The following TMEM144 variants were observed in gnomAD, a reference collection of about 807,000 sequenced individuals.
TMEM144 encodes the protein transmembrane protein 144.
A neutral mutation model predicts 43.6 loss-of-function variants in TMEM144; 39 were observed. The ratio of observed to expected loss-of-function variants is 0.90; its 90% CI spans 0.69 to 1.17. The LOEUF is 1.17. Among genes scored for constraint, TMEM144 ranks in the 50% most tolerant of loss-of-function variants. The pLI, the probability that TMEM144 is intolerant of heterozygous loss-of-function variation, is 0.00. For synonymous variants in TMEM144, 154 were observed against 133.6 expected (o/e 1.15, Z -1.06); for missense variants, 417 against 411.9 (o/e 1.01, Z -0.11).
At chr4:158,251,584 T>C (rs1736207276) in intron 12 of TMEM144, among the ~76,000 whole-genome samples, 1 of 152,202 alleles carries the variant, frequency 6.6e-6, no homozygotes, top group Non-Finnish European at 1.5e-5. Flanking sequence ...CTAAGACCAA[T>C]TGAACCCAAC....
At chr4:158,232,204 G>C (rs1359593126) in intron 6 of TMEM144, among the ~76,000 whole-genome samples, 2 of 152,222 alleles carry the variant, frequency 1.3e-5, no homozygotes, top group Non-Finnish European at 2.9e-5. Context: ...GACATCAATA[G>C]TGTATTATGA....
At chr4:158,241,695 G>A in intron 11 of TMEM144, 89 bp downstream of exon 11, 2 of 974,842 alleles carry the variant, frequency 2.1e-6, no homozygotes, top group Non-Finnish European at 3.2e-6. Flanking sequence ...GCTAAAGACT[G>A]TCATGGAGTT....
chr4:158,225,233 C>A (rs2111116564), intron 6 of TMEM144, among the ~76,000 whole-genome samples: 1 of 152,300 alleles, frequency 6.6e-6, no homozygotes, highest in Non-Finnish European at 1.5e-5. Context: ...TAGAGATAGG[C>A]CACTGGCCCT....
chr4:158,240,628 C>T (rs193173452), intron 10 of TMEM144, among the ~76,000 whole-genome samples: 2 of 152,260 alleles, frequency 1.3e-5, no homozygotes, highest in East Asian at 3.9e-4. Flanking sequence ...ATCCTTGAAA[C>T]TGAATATGCA....
Position 158,210,601 on chromosome 4 carries a change from T to G in TMEM144, c.-183+15T>G, listed in dbSNP as rs1355797794. Reference sequence around the variant, plus strand: ...CCCGGAACGCAGTGAGTACAGCCACTCAAAGGAAAGCCAAGTCGCTTTGCA... The same window carrying G: ...CCCGGAACGCAGTGAGTACAGCCACGCAAAGGAAAGCCAAGTCGCTTTGCA... On this transcript the variant is annotated intron_variant, in intron 1 of 12. Transcript: ENST00000296529. 6.6e-6 allele frequency: 1 copy of G among 152,208 alleles called. No homozygotes were observed. The highest frequency in any genetic ancestry group is 2.4e-5 in the African/African-American group (1 of 41,450). The allele number at this position is 152,208 out of a possible 1,614,324, so 9.4% of individuals were successfully genotyped here. A position where few individuals can be genotyped will look rare whatever the true frequency, so the allele number is the denominator to read the frequency against.
chr4:158,240,542 G>T (rs918961246), intron 10 of TMEM144, 124 bp downstream of exon 10: 12 of 580,706 alleles, frequency 2.1e-5, no homozygotes, highest in Admixed American at 1.6e-4. Flanking sequence ...TGTGTGTGTT[G>T]TGTGTGTGTG....
chr4:158,213,978 GAAC>G (rs1470634936), intron 3 of TMEM144: 2 of 152,126 alleles, frequency 1.3e-5, no homozygotes, highest in Non-Finnish European at 2.9e-5. Flanking sequence ...TTTGTAAAGT[GAAC>G]AACTTATAAA....
At chr4:158,221,856 A>G (rs1046687929) in intron 6 of TMEM144, among the ~76,000 whole-genome samples, 5 of 152,164 alleles carry the variant, frequency 3.3e-5, no homozygotes, top group African/African-American at 9.7e-5. Flanking sequence ...GATAACACAC[A>G]GAAGGGAATG....
chr4:158,225,002 A>C (rs539724589), intron 6 of TMEM144, among the ~76,000 whole-genome samples: 3 of 152,338 alleles, frequency 2.0e-5, no homozygotes, highest in Admixed American at 6.5e-5. Context: ...ATGGTTATGC[A>C]GGGATTTTCA....
chr4:158,230,544 G>C (rs1735024844), intron 6 of TMEM144, among the ~76,000 whole-genome samples: 1 of 151,856 alleles, frequency 6.6e-6, no homozygotes, highest in South Asian at 2.1e-4. Context: ...GTATAATTTT[G>C]AGAACAAAAT....
intron 12 of TMEM144, among the ~76,000 whole-genome samples, chr4:158,248,929 T>C (rs1479428375): frequency 6.6e-6 from 1 of 152,190 alleles, no homozygotes; most frequent in African/African-American, 2.4e-5. Flanking sequence ...TTTTTTGAGA[T>C]GGAGTCTCGC....
At chr4:158,226,755 C>T (rs1734791102) in intron 6 of TMEM144, among the ~76,000 whole-genome samples, 1 of 151,930 alleles carries the variant, frequency 6.6e-6, no homozygotes, top group African/African-American at 2.4e-5. Context: ...CAACTTTCGC[C>T]GACAATTCTT....
At chr4:158,235,530 C>T in intron 8 of TMEM144, 25 bp downstream of exon 8, 2 of 1,587,612 alleles carry the variant, frequency 1.3e-6, no homozygotes, top group Non-Finnish European at 1.7e-6. Context: ...CTTCTTTGCT[C>T]TATTACTCTG....
In TMEM144 at chr4:158,250,195, CATAT is replaced by C. The variant is rs5863314; in HGVS notation, c.955-3217_955-3214del. 3.3e-3 allele frequency among the ~76,000 whole-genome samples: 444 copies of C among 135,526 alleles called. 3 individuals carry two copies. The highest frequency in any genetic ancestry group is 4.9e-3 in the Non-Finnish European group (304 of 61,856). 88.9% of individuals were successfully genotyped at this position (135,526 alleles called of 152,430 possible). On this transcript the variant is annotated intron_variant, in intron 12 of 12. Coordinates refer to ENST00000296529, the MANE Select transcript of TMEM144 (RefSeq NM_018342.5). ...TTTGATTTTGTTAATTAATACATAACATATATATATATATATATATATATATATA... is the reference window on the plus strand; with the variant it reads ...TTTGATTTTGTTAATTAATACATAACATATATATATATATATATATATATA...
chr4:158,222,125 T>C (rs1461175489), intron 6 of TMEM144, among the ~76,000 whole-genome samples: 2 of 150,480 alleles, frequency 1.3e-5, no homozygotes, highest in Non-Finnish European at 3.0e-5. Context: ...CTTTCCCTCG[T>C]CCCATCCTAC....
intron 8 of TMEM144, chr4:158,237,279 A>G (rs1247825870): frequency 5.2e-6 from 2 of 384,054 alleles, no homozygotes; most frequent in Admixed American, 4.2e-5. Flanking sequence ...AATCCATTTT[A>G]ATTTCTATAA....
intron 12 of TMEM144, among the ~76,000 whole-genome samples, chr4:158,251,189 G>A (rs1736183919): frequency 6.6e-6 from 1 of 152,160 alleles, no homozygotes; most frequent in Non-Finnish European, 1.5e-5. Flanking sequence ...AAATTAGAGA[G>A]GTGCTAGTCT....
chr4:158,244,304 A>C lies in TMEM144; in HGVS notation c.909A>C (p.Gly303=). 1.2e-6 allele frequency: 2 copies of C among 1,604,798 alleles called. No individual in the cohort carries two copies. The highest frequency in any genetic ancestry group is 2.2e-5 in the East Asian group (1 of 44,504). The part of the protein sequence containing the change: ...VSFPIITAGP[G]FIAAMWGIFM... Reference sequence around the variant, plus strand: ...TTATATTTTTATTTAAGGGTCCAGGATTTATAGCTGCAATGTGGGGTATCT... The same window carrying C: ...TTATATTTTTATTTAAGGGTCCAGGCTTTATAGCTGCAATGTGGGGTATCT... Residue 303 remains glycine, a synonymous_variant, in exon 12 of 13, where the codon GGA becomes GGC. Coordinates refer to ENST00000296529, the MANE Select transcript of TMEM144 (RefSeq NM_018342.5).
chr4:158,224,734 A>G (rs945293720), intron 6 of TMEM144, among the ~76,000 whole-genome samples: 1 of 152,156 alleles, frequency 6.6e-6, no homozygotes, highest in Non-Finnish European at 1.5e-5. Flanking sequence ...GAGTTTCCTC[A>G]TGCTTCGGCC....
Sources: allele counts gnomAD v4.1 joint callset (sites outside exome capture counted in the v4.1 genomes callset), GRCh38; gene constraint gnomAD v4.1.1; transcripts MANE v1.5; gene names NCBI Gene and HGNC (gene_info 2026-07-23, HGNC 2026-07-21).